Variants in NCOA2 observed in about 807,000 individuals in gnomAD.
The protein encoded by NCOA2 is class E basic helix-loop-helix protein 75.
In NCOA2, 21 loss-of-function variants were observed where a neutral mutation model predicts 145.1. The observed-to-expected ratio is 0.14, with a 90% confidence interval of 0.10 to 0.21. The LOEUF (loss-of-function observed/expected upper bound fraction) is 0.21. Among genes scored for constraint, NCOA2 ranks in the 10% least tolerant of loss-of-function variants. The pLI is 1.00. For missense variants in NCOA2, 1,472 were observed against 1,837.6 expected, an observed-to-expected ratio of 0.80 and a Z score of 3.64; for synonymous variants, 619 against 637.5, an observed-to-expected ratio of 0.97 and a Z score of 0.44.
chr8:70,225,472 C>G (rs1025887264), intron 2 of NCOA2, among the ~76,000 whole-genome samples: 1 of 151,916 alleles, frequency 6.6e-6, no homozygotes, highest in African/African-American at 2.4e-5. Flanking sequence ...TCGCTTGAAC[C>G]CCCCAGGCAG....
intron 2 of NCOA2, among the ~76,000 whole-genome samples, chr8:70,225,093 C>T (rs895412844): frequency 1.3e-5 from 2 of 152,128 alleles, no homozygotes; most frequent in African/African-American, 4.8e-5. Context: ...TAGTGAATAC[C>T]TATTATGCAC....
intron 22 of NCOA2, among the ~76,000 whole-genome samples, chr8:70,120,831 A>G (rs1807720638): frequency 6.6e-6 from 1 of 152,262 alleles, no homozygotes; most frequent in African/African-American, 2.4e-5. Flanking sequence ...GTTCCTAAAC[A>G]CAACGAAATA....
chr8:70,145,844 T>C lies in NCOA2; in HGVS notation c.2606-996A>G, dbSNP rs142103203. Among the ~76,000 whole-genome samples the C allele has an allele frequency of 3.8e-3, 580 of 151,046 alleles. 9 individuals are homozygous for C. Among genetic ancestry groups the C allele is most frequent in the South Asian group, 0.017 (80 of 4,778 alleles). Reference sequence around the variant, plus strand: ...CAGTGTCTCACTATATTGCCTAAGGTGGTCTCAAACTTCTTGCCTCAAGTG... The same window carrying C: ...CAGTGTCTCACTATATTGCCTAAGGCGGTCTCAAACTTCTTGCCTCAAGTG... On this transcript the variant is annotated intron_variant, in intron 12 of 22. Coordinates refer to ENST00000452400, the MANE Select transcript of NCOA2 (RefSeq NM_006540.4).
intron 2 of NCOA2, among the ~76,000 whole-genome samples, chr8:70,286,200 C>T (rs1422483486): frequency 6.6e-6 from 1 of 151,986 alleles, no homozygotes; most frequent in East Asian, 1.9e-4. Flanking sequence ...ATCACTTGAG[C>T]CCAGGAGTTC....
At chr8:70,446,482 T>C in the NCOA2 span, among the ~76,000 whole-genome samples, 1 of 152,236 alleles carries the variant, frequency 6.6e-6, no homozygotes. Flanking sequence ...CCTTTGCCAA[T>C]GACTGTGGCA....
chr8:70,314,194 AAAAAAAAAAAAAAAG>A (rs1357964312), intron 1 of NCOA2, among the ~76,000 whole-genome samples: 1 of 146,212 alleles, frequency 6.8e-6, no homozygotes, highest in East Asian at 2.0e-4. Context: ...AAAAAAAAAA[AAAAAAAAAAAAAAAG>A]CAACTGTCAT....
upstream of NCOA2, among the ~76,000 whole-genome samples, chr8:70,407,318 A>G (rs1586705007): frequency 6.6e-6 from 1 of 152,260 alleles, no homozygotes; most frequent in Non-Finnish European, 1.5e-5. Flanking sequence ...AGCATATTAC[A>G]TAAATTTTTT....
At chr8:70,288,802 T>C (rs1052819758) in intron 2 of NCOA2, among the ~76,000 whole-genome samples, 8 of 152,236 alleles carry the variant, frequency 5.3e-5, no homozygotes, top group Non-Finnish European at 8.8e-5. Flanking sequence ...ATACGCAATA[T>C]GTCAGCGCAC....
At chr8:70,453,037 T>G in the NCOA2 span, among the ~76,000 whole-genome samples, 2 of 152,228 alleles carry the variant, frequency 1.3e-5, no homozygotes, top group Non-Finnish European at 2.9e-5. Flanking sequence ...ATTCTAAAGA[T>G]TCTCTTGAAG....
At chr8:70,442,148 A>AAAGG in the NCOA2 span, among the ~76,000 whole-genome samples, 7 of 138,434 alleles carry the variant, frequency 5.1e-5, no homozygotes, top group African/African-American at 2.2e-4. Flanking sequence ...AGAAAGAAAG[A>AAAGG]AAGAAAGAAA....
chr8:70,344,373 C>T (rs555972100), intron 1 of NCOA2, among the ~76,000 whole-genome samples: 4 of 152,352 alleles, frequency 2.6e-5, no homozygotes, highest in African/African-American at 9.6e-5. Flanking sequence ...GCCCACAGAG[C>T]TATAACAGCA....
intron 2 of NCOA2, among the ~76,000 whole-genome samples, chr8:70,278,266 A>G (rs1473968565): frequency 2.0e-5 from 3 of 152,218 alleles, no homozygotes; most frequent in African/African-American, 7.2e-5. Context: ...GCCAAATAAT[A>G]TTCCACTGAA....
intron 1 of NCOA2, among the ~76,000 whole-genome samples, chr8:70,322,981 G>A (rs1014340017): frequency 1.2e-4 from 18 of 152,174 alleles, no homozygotes; most frequent in African/African-American, 3.1e-4. Context: ...AGGCTGTGTC[G>A]TAAGACTCTT....
intron 1 of NCOA2, among the ~76,000 whole-genome samples, chr8:70,377,845 G>A (rs1811817403): frequency 6.6e-6 from 1 of 151,994 alleles, no homozygotes; most frequent in Non-Finnish European, 1.5e-5. Flanking sequence ...TAAATTAAAT[G>A]GGCAAAAAAG....
At chr8:70,135,540 G>C (rs1809635045) in intron 15 of NCOA2, among the ~76,000 whole-genome samples, 1 of 152,122 alleles carries the variant, frequency 6.6e-6, no homozygotes, top group South Asian at 2.1e-4. Flanking sequence ...ATAAATTTGG[G>C]CATGAGTGAT....
At chr8:70,250,316 TG>T (rs1823037170) in intron 2 of NCOA2, among the ~76,000 whole-genome samples, 1 of 136,438 alleles carries the variant, frequency 7.3e-6, no homozygotes, top group African/African-American at 2.7e-5. Flanking sequence ...CATCTGAACC[TG>T]GAAGGCCAAG....
chr8:70,149,581 T>TAA (rs756351455), intron 11 of NCOA2, among the ~76,000 whole-genome samples: 5 of 143,198 alleles, frequency 3.5e-5, no homozygotes, highest in African/African-American at 5.1e-5. Context: ...TCTCTTCCAT[T>TAA]AAAAAAAAAA....
chr8:70,349,941 T>G (rs1809018634), intron 1 of NCOA2, among the ~76,000 whole-genome samples: 1 of 152,106 alleles, frequency 6.6e-6, no homozygotes, highest in African/African-American at 2.4e-5. Context: ...TCCAGCATGA[T>G]GGAATTTGAG....
At chr8:70,163,847 A>G (rs1198809221) in intron 7 of NCOA2, among the ~76,000 whole-genome samples, 3 of 152,160 alleles carry the variant, frequency 2.0e-5, no homozygotes, top group Non-Finnish European at 4.4e-5. Context: ...CTACACTAAA[A>G]CGTTAATAAT....
Sources: gnomAD v4.1 joint callset for allele counts (sites outside exome capture counted in the v4.1 genomes callset) on GRCh38, gnomAD v4.1.1 for gene constraint, MANE v1.5 for transcripts, NCBI Gene and HGNC (gene_info 2026-07-23, HGNC 2026-07-21) for gene names.